CCDC148: variants seen among roughly 807,000 people sequenced by gnomAD.
The protein encoded by CCDC148 is coiled-coil domain containing 148.
Under a neutral mutation model 85.7 loss-of-function variants are expected in CCDC148, and 89 were observed. The observed-to-expected ratio is 1.04, with a 90% CI of 0.87 to 1.24. The LOEUF (loss-of-function observed/expected upper bound fraction) is 1.24, where lower values mean the gene tolerates loss of function less well. CCDC148 is among the 50% of genes most tolerant of loss of function. CCDC148 has a pLI of 0.00. For missense variants in CCDC148, 692 were observed against 671.7 expected, an observed-to-expected ratio of 1.03 and a Z score of -0.33; for synonymous variants, 230 against 213.9, an observed-to-expected ratio of 1.08 and a Z score of -0.66.
chr2:158,329,945 A>G (rs1017319156), intron 7 of CCDC148, among the ~76,000 whole-genome samples: 1 of 152,192 alleles, frequency 6.6e-6, no homozygotes, highest in South Asian at 2.1e-4. Flanking sequence ...AAAATATGTC[A>G]TCTGCAAACA....
intron 2 of CCDC148, among the ~76,000 whole-genome samples, chr2:158,346,668 G>A (rs1338240562): frequency 6.6e-6 from 1 of 152,088 alleles, no homozygotes; most frequent in Non-Finnish European, 1.5e-5. Context: ...CTACAAACGT[G>A]TACATCAGAA....
At chr2:158,228,167 C>CT (rs780917913) in intron 10 of CCDC148, among the ~76,000 whole-genome samples, 1 of 152,152 alleles carries the variant, frequency 6.6e-6, no homozygotes, top group African/African-American at 2.4e-5. Context: ...AGACACTTCT[C>CT]AAAATAAGAC....
rs577791395 is a variant in CCDC148, at chr2:158,174,234, T to A, written c.1630-1975A>T. On this transcript the variant is annotated intron_variant, in intron 13 of 13. Transcript: ENST00000283233. ...TTTTACAGATGAGGAAAACAAGGCATAAAGACGTAAATAGCTTATACAAAT... is the reference window on the plus strand; with the variant it reads ...TTTTACAGATGAGGAAAACAAGGCAAAAAGACGTAAATAGCTTATACAAAT... Among the ~76,000 whole-genome samples, 62 of 152,186 alleles carry A rather than the reference T, an allele frequency of 4.1e-4. 2 individuals are homozygous for A. Among genetic ancestry groups the A allele is most frequent in the Admixed American group, 2.4e-3 (37 of 15,260 alleles).
intron 11 of CCDC148, among the ~76,000 whole-genome samples, chr2:158,193,509 C>T (rs1685515611): frequency 6.6e-6 from 1 of 151,868 alleles, no homozygotes; most frequent in Admixed American, 6.6e-5. Context: ...AAAAGCCTTG[C>T]TCCTCTAGAA....
chr2:158,176,623 CATCATTCTAACAGGATCA>C lies in CCDC148; in HGVS notation c.1509_1526del (p.Phe503_Met509delinsLeu). 6.2e-7 allele frequency: 1 copy of C among 1,612,148 alleles called. No homozygotes were observed. Among genetic ancestry groups the C allele is most frequent in the Non-Finnish European group, 8.5e-7 (1 of 1,178,952 alleles). On this transcript the variant is annotated inframe_deletion, in exon 13 of 14. Transcript: ENST00000283233. ...TAGCTTTTGATGCCATTGTATCTGACATCATTCTAACAGGATCAAATTGAGCAACAACAGCAACCTAAA... is the reference window on the plus strand; with the variant it reads ...TAGCTTTTGATGCCATTGTATCTGACAATTGAGCAACAACAGCAACCTAAA...
chr2:158,273,538 C>A (rs1451676692), intron 9 of CCDC148, among the ~76,000 whole-genome samples: 1 of 152,094 alleles, frequency 6.6e-6, no homozygotes, highest in Non-Finnish European at 1.5e-5. Flanking sequence ...TCTGCCATCT[C>A]CTACTATGCA....
intron 10 of CCDC148, among the ~76,000 whole-genome samples, chr2:158,223,515 C>T (rs1374576531): frequency 6.6e-6 from 1 of 152,222 alleles, no homozygotes; most frequent in East Asian, 1.9e-4. Flanking sequence ...AACGGACTGA[C>T]TGCCTCCTCA....
intron 1 of CCDC148, among the ~76,000 whole-genome samples, chr2:158,435,146 G>A (rs1018902759): frequency 2.0e-5 from 3 of 152,100 alleles, no homozygotes; most frequent in African/African-American, 7.2e-5. Context: ...GATACTCCTC[G>A]AGAAGAGCAA....
At chr2:158,417,477 T>C (rs72999366) in intron 1 of CCDC148, among the ~76,000 whole-genome samples, 25,350 of 152,196 alleles carry the variant, frequency 0.17, 2,281 homozygotes, top group Middle Eastern at 0.21. Flanking sequence ...GTAATGGTGC[T>C]TGTACCTTTC....
At chr2:158,292,522 T>G (rs923714004) in intron 9 of CCDC148, among the ~76,000 whole-genome samples, 1 of 152,216 alleles carries the variant, frequency 6.6e-6, no homozygotes, top group Non-Finnish European at 1.5e-5. Context: ...TGAAATTCTC[T>G]TGATAAAAGC....
intron 1 of CCDC148, among the ~76,000 whole-genome samples, chr2:158,393,068 T>C (rs2105298514): frequency 6.6e-6 from 1 of 152,188 alleles, no homozygotes; most frequent in Non-Finnish European, 1.5e-5. Flanking sequence ...AAAAAAAAGT[T>C]AACATAATCT....
At chr2:158,270,222 T>G (rs1018200585) in intron 9 of CCDC148, among the ~76,000 whole-genome samples, 14 of 152,220 alleles carry the variant, frequency 9.2e-5, no homozygotes, top group Non-Finnish European at 1.5e-4. Flanking sequence ...AAGTCATTTG[T>G]AAATTGGCAT....
chr2:158,225,875 C>T (rs527638638), intron 10 of CCDC148, among the ~76,000 whole-genome samples: 27 of 152,206 alleles, frequency 1.8e-4, no homozygotes, highest in African/African-American at 5.3e-4. Context: ...AATTGACACC[C>T]TAACATCACA....
intron 9 of CCDC148, among the ~76,000 whole-genome samples, chr2:158,284,086 T>C (rs1167219146): frequency 3.1e-5 from 4 of 128,538 alleles, no homozygotes; most frequent in Admixed American, 2.9e-4. Context: ...TGAGAACACA[T>C]GGACACAGGA....
intron 1 of CCDC148, 104 bp from the exon 2 acceptor site, chr2:158,358,674 T>G: frequency 1.6e-6 from 1 of 623,110 alleles, no homozygotes; most frequent in Non-Finnish European, 2.4e-6. Flanking sequence ...TATTTTTAAA[T>G]ATTTTTAAGC....
chr2:158,434,206 G>A (rs1421416786), intron 1 of CCDC148, among the ~76,000 whole-genome samples: 1 of 152,186 alleles, frequency 6.6e-6, no homozygotes, highest in African/African-American at 2.4e-5. Flanking sequence ...TAGCCTAACT[G>A]GGAGGTACCT....
chr2:158,449,751 T>C (rs1295552997), intron 1 of CCDC148, among the ~76,000 whole-genome samples: 1 of 152,178 alleles, frequency 6.6e-6, no homozygotes. Flanking sequence ...GCTTGGCCCC[T>C]CCCTACTTTC....
chr2:158,261,383 G>C (rs770459378), intron 9 of CCDC148, among the ~76,000 whole-genome samples: 4 of 152,020 alleles, frequency 2.6e-5, no homozygotes, highest in Non-Finnish European at 4.4e-5. Flanking sequence ...ATGGACTAAA[G>C]ACTGCAATAT....
intron 1 of CCDC148, among the ~76,000 whole-genome samples, chr2:158,437,530 G>A (rs1287184861): frequency 6.6e-6 from 1 of 152,112 alleles, no homozygotes; most frequent in Admixed American, 6.5e-5. Flanking sequence ...CATACTGAAT[G>A]GGCAAAAACT....
Sources: gnomAD v4.1 joint callset for allele counts (sites outside exome capture counted in the v4.1 genomes callset) on GRCh38, gnomAD v4.1.1 for gene constraint, MANE v1.5 for transcripts, NCBI Gene and HGNC (gene_info 2026-07-23, HGNC 2026-07-21) for gene names.